The following CSF2RA variants were observed in gnomAD, a reference collection of about 807,000 sequenced individuals.
CSF2RA encodes the protein granulocyte-macrophage colony-stimulating factor receptor subunit alpha.
CSF2RA carries 42 observed loss-of-function variants against 51.6 expected under a neutral mutation model. That is an observed-to-expected ratio of 0.81 (90% confidence interval 0.64 to 1.05). The LOEUF (loss-of-function observed/expected upper bound fraction) is 1.05. CSF2RA is among the 50% of genes least tolerant of loss of function. The pLI, the probability that CSF2RA is intolerant of heterozygous loss-of-function variation, is 0.00. For missense variants in CSF2RA, 530 were observed against 501.1 expected, an observed-to-expected ratio of 1.06 and a Z score of -0.55; for synonymous variants, 222 against 193.0, an observed-to-expected ratio of 1.15 and a Z score of -1.24.
downstream of CSF2RA, among the ~76,000 whole-genome samples, chrX:1,314,547 C>G (rs868575849): frequency 0.11 from 5,126 of 46,818 alleles, 878 homozygotes; most frequent in Middle Eastern, 0.15. Flanking sequence ...CTGCCCAATC[C>G]CACTGCACCT....
chrX:1,303,183 G>C (rs192529057), intron 10 of CSF2RA: 32 of 226,118 alleles, frequency 1.4e-4, no homozygotes, highest in African/African-American at 6.3e-4. Context: ...TCAGCCTCCT[G>C]AGTAGCTGGG....
rs1344169165 is a variant in CSF2RA at position 1,279,853 on chromosome X, G to T, written c.-26-2825G>T. On this transcript the variant is annotated intron_variant, in intron 2 of 12. Transcript: ENST00000381529. The stretch of plus-strand genomic sequence containing the variant: ...CACCCAGGCTGGAGGGCAGTGGCGC[G>T]ATCTCGGCTCACTGCAGCCTCCACC... 1.1e-4 allele frequency among the ~76,000 whole-genome samples: 16 copies of T among 151,568 alleles called. 1 individual carries two copies.
intron 10 of CSF2RA, chrX:1,303,483 G>A (rs1290355472): frequency 3.8e-5 from 17 of 443,098 alleles, no homozygotes; most frequent in African/African-American, 2.4e-4. Flanking sequence ...CAGATGATGC[G>A]CCCGCCTCGG....
intron 3 of CSF2RA, 30 bp from the exon 4 acceptor site, chrX:1,285,748 A>G (rs1304566597): frequency 1.3e-6 from 2 of 1,588,362 alleles, no homozygotes; most frequent in Admixed American, 1.7e-5. Context: ...GAAAAGAGGA[A>G]ATTCTGAACC....
At chrX:1,311,438 T>G (rs1569514241), downstream of CSF2RA, among the ~76,000 whole-genome samples, 1 of 99,340 alleles carries the variant, frequency 1.0e-5, no homozygotes. Context: ...AATAAACCTG[T>G]TTGTTTTTTT....
At chrX:1,319,014 G>C in the CSF2RA span, among the ~76,000 whole-genome samples, 5 of 136,130 alleles carry the variant, frequency 3.7e-5, no homozygotes, top group Non-Finnish European at 8.4e-5. Flanking sequence ...TTTATTTTTT[G>C]AGACTGAGTC....
Position 1,285,831 on chromosome X carries a change from A to G in CSF2RA, c.130A>G (p.Thr44Ala), listed in dbSNP as rs1230635855. 3.1e-6 allele frequency: 5 copies of G among 1,613,420 alleles called. No individual in the cohort carries two copies. The African/African-American group carries it at 6.7e-5, about 22-fold the overall frequency. ...TCTCAATGTGAGGTTTGACTCCAGG[A>G]CGATGAATTTAAGCTGGGACTGCCA... ...SSLNVRFDSR[T>A]MNLSWDCQEN... Residue 44 changes from threonine (T) to alanine (A), a missense_variant, in exon 4 of 13, where the codon ACG becomes GCG. Physicochemically the swap from Thr to Ala is moderately conservative, Grantham distance 58. Transcript: ENST00000381529.
rs574308968 is a variant in CSF2RA, at chrX:1,309,315, G to C, written c.1126-87G>C. 4.7e-5 allele frequency: 64 copies of C among 1,369,386 alleles called. No homozygotes were observed. In the African/African-American group the frequency reaches 8.2e-4, roughly 17 times the overall value. The allele number at this position is 1,369,386 out of a possible 1,614,324, so 84.8% of individuals were successfully genotyped here. ...GGGCAATAGAATGAGACTCCGTCTC[G>C]AGGGAGAAAAAGAAAATAAACACAG... is the stretch of plus-strand genomic sequence containing the variant. On this transcript the variant is annotated intron_variant, in intron 12 of 12. Coordinates refer to ENST00000381529, the MANE Select transcript of CSF2RA (RefSeq NM_172245.4).
At chrX:1,321,192 G>A in the CSF2RA span, among the ~76,000 whole-genome samples, 8 of 152,084 alleles carry the variant, frequency 5.3e-5, no homozygotes, top group East Asian at 2.0e-4. Flanking sequence ...GACAGAGGCC[G>A]GGCACGGTGG....
intron 6 of CSF2RA, 133 bp downstream of exon 6, chrX:1,289,021 G>T: frequency 8.1e-7 from 1 of 1,228,870 alleles, no homozygotes; most frequent in Non-Finnish European, 1.2e-6. Flanking sequence ...CAATGCAATG[G>T]TGCCACCTCG....
intron 2 of CSF2RA, 143 bp from the exon 3 acceptor site, chrX:1,282,535 C>T: frequency 1.4e-6 from 1 of 731,728 alleles, no homozygotes; most frequent in Non-Finnish European, 2.5e-6. Context: ...ACCTTCCCAG[C>T]TGGCCATGAC....
At chrX:1,294,819 AG>A (rs2091759284) in intron 8 of CSF2RA, among the ~76,000 whole-genome samples, 15 of 151,784 alleles carry the variant, frequency 9.9e-5, no homozygotes, top group Middle Eastern at 3.4e-3. Context: ...ACCTGGACCC[AG>A]TGTAGATAGG....
chrX:1,282,064 G>C lies in CSF2RA; in HGVS notation c.-26-614G>C, dbSNP rs1411573914. On this transcript the variant is annotated intron_variant, in intron 2 of 12. Coordinates refer to ENST00000381529, the MANE Select transcript of CSF2RA (RefSeq NM_172245.4). ...AAAAAAAAAAAAAAAAATTAGCTGG[G>C]TGTGGTGGCAGGCGCCTGTAGTCCC... The C allele has an allele frequency of 5.3e-5, 6 of 112,406 alleles. 2 individuals are homozygous for C. In the South Asian group the frequency reaches 2.0e-3, roughly 38 times the overall value. 7.0% of individuals were successfully genotyped at this position (112,406 alleles called of 1,614,324 possible).
chrX:1,281,203 TAC>T (rs2090001732), intron 2 of CSF2RA, among the ~76,000 whole-genome samples: 2 of 83,396 alleles, frequency 2.4e-5, no homozygotes, highest in East Asian at 7.1e-4. Flanking sequence ...CTCCTTCTCC[TAC>T]TCCTCCTTCT....
At chrX:1,305,560 A>T in intron 12 of CSF2RA, 33 bp downstream of exon 12, 1 of 1,613,940 alleles carries the variant, frequency 6.2e-7, no homozygotes, top group Non-Finnish European at 8.5e-7. Flanking sequence ...GTGACCTGGG[A>T]TGGAAGGTGG....
At chrX:1,282,632 C>A in intron 2 of CSF2RA, 46 bp from the exon 3 acceptor site, 1 of 1,400,270 alleles carries the variant, frequency 7.1e-7, no homozygotes, top group Non-Finnish European at 1.0e-6. Flanking sequence ...CAGGAATGTC[C>A]TGGGAGAGGC....
At chrX:1,314,449 A>ACCGCAC (rs2084377638), downstream of CSF2RA, among the ~76,000 whole-genome samples, 1 of 146,908 alleles carries the variant, frequency 6.8e-6, no homozygotes, top group African/African-American at 2.6e-5. Flanking sequence ...CACTTGCCCA[A>ACCGCAC]TTGCACTGCA....
At chrX:1,307,812 T>A (rs1473307959) in intron 12 of CSF2RA, among the ~76,000 whole-genome samples, 1 of 138,480 alleles carries the variant, frequency 7.2e-6, no homozygotes, top group African/African-American at 2.5e-5. Context: ...TTTGACTGAT[T>A]AGATGAGGCC....
chrX:1,293,473 C>G (rs1314500255), intron 7 of CSF2RA, among the ~76,000 whole-genome samples: 1 of 151,578 alleles, frequency 6.6e-6, no homozygotes, highest in Non-Finnish European at 1.5e-5. Flanking sequence ...CCCGCCTCGG[C>G]CTCCCAAAGT....
Sources: allele counts gnomAD v4.1 joint callset (sites outside exome capture counted in the v4.1 genomes callset), GRCh38; gene constraint gnomAD v4.1.1; transcripts MANE v1.5; gene names NCBI Gene and HGNC (gene_info 2026-07-23, HGNC 2026-07-21).